The following TUBGCP3 variants were observed in gnomAD, a reference collection of about 807,000 sequenced individuals.
The protein encoded by TUBGCP3 is tubulin gamma complex component 3, also known as gamma-tubulin complex component 3.
TUBGCP3 carries 50 observed loss-of-function variants against 123.1 expected under a neutral mutation model. That is an observed-to-expected ratio of 0.41 (90% CI 0.32 to 0.51). TUBGCP3 has a LOEUF of 0.51. Ranked by LOEUF, TUBGCP3 falls within the 20% of genes least tolerant of loss-of-function variation. TUBGCP3 has a pLI of 0.36. For synonymous variants in TUBGCP3, 405 were observed against 413.9 expected (o/e 0.98, Z 0.26); for missense variants, 882 against 1,127.0 (o/e 0.78, Z 3.11).
At chr13:112,567,481 G>A (rs1443896676) in intron 2 of TUBGCP3, among the ~76,000 whole-genome samples, 1 of 152,188 alleles carries the variant, frequency 6.6e-6, no homozygotes, top group Non-Finnish European at 1.5e-5. Context: ...TCTAAAATGT[G>A]TAAAATGGTT....
chr13:112,512,724 G>C (rs1881753397), intron 17 of TUBGCP3, among the ~76,000 whole-genome samples: 1 of 152,096 alleles, frequency 6.6e-6, no homozygotes, highest in Non-Finnish European at 1.5e-5. Flanking sequence ...GACGGAGTGA[G>C]ACTCCATCTC....
At chr13:112,538,599 G>A (rs1878255346) in intron 11 of TUBGCP3, among the ~76,000 whole-genome samples, 1 of 152,054 alleles carries the variant, frequency 6.6e-6, no homozygotes, top group Non-Finnish European at 1.5e-5. Context: ...ATTCATTTCA[G>A]TAATTGTCCT....
At chr13:112,565,307 G>T in intron 2 of TUBGCP3, 129 bp from the exon 3 acceptor site, 1 of 732,766 alleles carries the variant, frequency 1.4e-6, no homozygotes, top group African/African-American at 1.8e-5. Flanking sequence ...TGTCAAATTA[G>T]ATGATGAGCA....
intron 10 of TUBGCP3, chr13:112,546,784 T>C (rs972291256): frequency 6.6e-6 from 1 of 152,204 alleles, no homozygotes; most frequent in African/African-American, 2.4e-5. Context: ...CTGGCGTTTA[T>C]TTACTGTGCT....
In TUBGCP3 at chr13:112,511,404, T is replaced by G. The variant is rs536220111; in HGVS notation, c.2086+5036A>C. 3.3e-5 allele frequency among the ~76,000 whole-genome samples: 5 copies of G among 152,212 alleles called. No individual in the cohort carries two copies. The South Asian group carries it at 1.0e-3, about 32-fold the overall frequency. On this transcript the variant is annotated intron_variant, in intron 17 of 21. Transcript: ENST00000261965. The surrounding 1 kb of genome is among the most constrained non-coding windows in gnomAD (Gnocchi z 4.1). ...CTCCACTGCTATTTCTACACCTTTC[T>G]GCAAACACAGCAACTTTTCATTTCA...
At chr13:112,602,624 A>G in the TUBGCP3 span, among the ~76,000 whole-genome samples, 1 of 152,198 alleles carries the variant, frequency 6.6e-6, no homozygotes, top group African/African-American at 2.4e-5. Flanking sequence ...GGAGAGGAAA[A>G]CATTTGTTCT....
rs1207329263 is a variant in TUBGCP3, at chr13:112,511,246, C to T, written c.2086+5194G>A. Among the ~76,000 whole-genome samples, 1 of 152,218 alleles carries T rather than the reference C, an allele frequency of 6.6e-6. No homozygotes were observed. Among genetic ancestry groups the T allele is most frequent in the Non-Finnish European group, 1.5e-5 (1 of 68,036 alleles). ...ACCCACCGCTCAGATGGGCCCCTCA[C>T]AGGGCACTGCTGGCCCGCGGGCACC... On this transcript the variant is annotated intron_variant, in intron 17 of 21. Coordinates refer to ENST00000261965, the MANE Select transcript of TUBGCP3 (RefSeq NM_006322.6). The surrounding 1 kb of genome is among the most constrained non-coding windows in gnomAD (Gnocchi z 4.1).
chr13:112,519,814 C>G lies in TUBGCP3; in HGVS notation c.1881+72G>C. The G allele has an allele frequency of 2.0e-6, 3 of 1,517,370 alleles. No individual in the cohort carries two copies. Among genetic ancestry groups the G allele is most frequent in the Non-Finnish European group, 2.6e-6 (3 of 1,132,552 alleles). 94.0% of individuals were successfully genotyped at this position (1,517,370 alleles called of 1,614,324 possible). A position where few individuals can be genotyped will look rare whatever the true frequency, so the allele number is the denominator to read the frequency against. ...TGTGCCTGAAACAACATGGAAAACACTCGCTAGAACACCCCGGCCCAGTGG... is the reference window on the plus strand; with the variant it reads ...TGTGCCTGAAACAACATGGAAAACAGTCGCTAGAACACCCCGGCCCAGTGG... On this transcript the variant is annotated intron_variant, in intron 15 of 21. Transcript: ENST00000261965. This position sits in a 1 kb window ranked among gnomAD's most constrained non-coding sequence, Gnocchi z 6.2.
At chr13:112,559,238 T>G (rs1179054418) in intron 4 of TUBGCP3, 84 bp downstream of exon 4, 1 of 1,117,214 alleles carries the variant, frequency 9.0e-7, no homozygotes, top group Non-Finnish European at 1.3e-6. Context: ...CTAGCATTAT[T>G]TTCTTAGCTG....
upstream of TUBGCP3, among the ~76,000 whole-genome samples, chr13:112,589,918 T>C (rs188010338): frequency 7.4e-4 from 113 of 152,204 alleles, no homozygotes; most frequent in Admixed American, 7.9e-4. Context: ...AAGTGGCACA[T>C]GCGCTTCTGA....
the TUBGCP3 span, among the ~76,000 whole-genome samples, chr13:112,598,492 C>T: frequency 2.0e-4 from 31 of 151,890 alleles, no homozygotes; most frequent in African/African-American, 7.0e-4. Context: ...ATAAAGAAGA[C>T]GGTAAATATT....
At chr13:112,526,499 C>A (rs535958311) in intron 13 of TUBGCP3, among the ~76,000 whole-genome samples, 178 of 151,710 alleles carry the variant, frequency 1.2e-3, no homozygotes, top group Admixed American at 1.8e-3. Flanking sequence ...CCATCATCAC[C>A]ATCAACATCA....
At position 112,513,815 on chromosome 13, in the gene TUBGCP3, A is replaced by C. The variant is rs555787968; in HGVS notation, c.2086+2625T>G. On this transcript the variant is annotated intron_variant, in intron 17 of 21. Transcript: ENST00000261965. ...AAGGAAATATGGTAGTCCCCCACAC[A>C]GTTTCTCTTTATGCTGTTTGTCACC... Among the ~76,000 whole-genome samples, 7 of 152,342 alleles carry C rather than the reference A, an allele frequency of 4.6e-5. No homozygotes were observed. In the South Asian group the frequency reaches 1.4e-3, roughly 32 times the overall value.
chr13:112,542,878 T>G (rs1407627435), intron 11 of TUBGCP3, among the ~76,000 whole-genome samples: 2 of 152,088 alleles, frequency 1.3e-5, no homozygotes, highest in African/African-American at 4.8e-5. Flanking sequence ...CCAGGCACGG[T>G]GGCTCACGCC....
chr13:112,521,884 G>A, intron 14 of TUBGCP3: 2 of 983,438 alleles, frequency 2.0e-6, no homozygotes, highest in Non-Finnish European at 2.4e-6. Context: ...AAGATGCCAT[G>A]AGAAATGTCA....
At chr13:112,564,559 T>C (rs1192053380) in intron 3 of TUBGCP3, among the ~76,000 whole-genome samples, 1 of 152,190 alleles carries the variant, frequency 6.6e-6, no homozygotes, top group African/African-American at 2.4e-5. Flanking sequence ...CATGCACCTG[T>C]AGTCCCAGCT....
chr13:112,504,041 A>C lies in TUBGCP3; in HGVS notation c.2298T>G (p.Ser766Arg), dbSNP rs774983294. Residue 766 changes from serine (S) to arginine (R), a missense_variant, in exon 19 of 22, where the codon AGT becomes AGG. Ser to Arg is a moderately radical substitution (Grantham distance 110). Transcript: ENST00000261965. ...DTIISRCLLDSDSRALLNQLR... is the reference protein window; with the variant it reads ...DTIISRCLLDRDSRALLNQLR... ...CAGGTCGGAGTCTTACCCTGGAGTC[A>C]CTGTCCAGCAGGCAGCGGGAGATGA... The C allele has an allele frequency of 1.1e-5, 17 of 1,611,736 alleles. No homozygotes were observed. The South Asian group carries it at 1.7e-4, about 16-fold the overall frequency.
Position 112,504,130 on chromosome 13 carries a change from T to C in TUBGCP3, c.2209A>G (p.Lys737Glu). 6.2e-7 allele frequency: 1 copy of C among 1,614,206 alleles called. No individual in the cohort carries two copies. Among genetic ancestry groups the C allele is most frequent in the Non-Finnish European group, 8.5e-7 (1 of 1,180,034 alleles). The change falls in exon 19 of 22, where the codon AAA becomes GAA. Residue 737 changes from lysine (K) to glutamate (E), a missense_variant. Around this residue, in one of 3 missense-constraint regions of TUBGCP3, gnomAD observed 160 missense variants for 220.3 expected, o/e 0.73. Coordinates refer to ENST00000261965, the MANE Select transcript of TUBGCP3 (RefSeq NM_006322.6). ...TCCAAATCCTGGGCCTGCTGGACTTTGTTCCAAAGCTCATCCCAAGAACAT... is the reference window on the plus strand; with the variant it reads ...TCCAAATCCTGGGCCTGCTGGACTTCGTTCCAAAGCTCATCCCAAGAACAT... ...LECSWDELWNKVQQAQDLDHI... is the reference protein window; with the variant it reads ...LECSWDELWNEVQQAQDLDHI...
upstream of TUBGCP3, among the ~76,000 whole-genome samples, chr13:112,588,603 G>A (rs75873854): frequency 6.6e-6 from 1 of 152,116 alleles, no homozygotes; most frequent in Non-Finnish European, 1.5e-5. Flanking sequence ...CGCGCGGGCC[G>A]GTCCCCCCCG....
Sources: gnomAD v4.1 joint callset for allele counts (sites outside exome capture counted in the v4.1 genomes callset) on GRCh38, gnomAD v4.1.1 for gene constraint, gnomAD v4.1.1 regional missense constraint, Gnocchi (gnomAD v3.1) non-coding constraint, MANE v1.5 for transcripts, NCBI Gene and HGNC (gene_info 2026-07-23, HGNC 2026-07-21) for gene names.